The following WARS2 variants were observed in gnomAD, a reference collection of about 807,000 sequenced individuals.
The protein encoded by WARS2 is tryptophan--tRNA ligase, mitochondrial.
A neutral mutation model predicts 36.5 loss-of-function variants in WARS2; 28 were observed. The ratio of observed to expected loss-of-function variants is 0.77; its 90% confidence interval spans 0.57 to 1.05. The LOEUF is 1.05. Among genes scored for constraint, WARS2 ranks in the 50% least tolerant of loss-of-function variants. The pLI is 0.00. For synonymous variants in WARS2, 174 were observed against 178.4 expected (o/e 0.98, Z 0.20); for missense variants, 435 against 456.8 (o/e 0.95, Z 0.44).
chr1:119,140,651 A>G lies in WARS2; in HGVS notation c.-7T>C. The G allele has an allele frequency of 6.2e-7, 1 of 1,611,050 alleles. No homozygotes were observed. On this transcript the variant is annotated 5_prime_UTR_variant, in exon 1 of 6. Transcript: ENST00000235521. The stretch of plus-strand genomic sequence containing the variant: ...GCATTGAGTGCAGCGCCATCTTGAG[A>G]AGGGCGGAGCCGTCTTGTTTGGAAT...
intron 1 of WARS2, among the ~76,000 whole-genome samples, chr1:119,117,226 A>G (rs6677940): frequency 0.72 from 109,813 of 151,954 alleles, 40,092 homozygotes; most frequent in East Asian, 0.88. Context: ...AACATAACTC[A>G]ATGGGCCTGA....
intron 1 of WARS2, among the ~76,000 whole-genome samples, chr1:119,101,796 C>A (rs1653885596): frequency 6.6e-6 from 1 of 152,068 alleles, no homozygotes; most frequent in Admixed American, 6.6e-5. Flanking sequence ...CCTTAAGGGC[C>A]ACTGAAACCA....
chr1:119,050,431 A>G (rs1649245263), intron 2 of WARS2, among the ~76,000 whole-genome samples: 1 of 152,108 alleles, frequency 6.6e-6, no homozygotes, highest in Non-Finnish European at 1.5e-5. Flanking sequence ...ATTATTTTAT[A>G]TTACTCTAAT....
intron 1 of WARS2, among the ~76,000 whole-genome samples, chr1:119,120,761 A>T (rs1400733106): frequency 1.3e-5 from 2 of 152,108 alleles, no homozygotes; most frequent in Admixed American, 6.5e-5. Context: ...AAACGTAATG[A>T]TATACCACAC....
At chr1:119,082,121 A>C (rs979912676) in intron 1 of WARS2, among the ~76,000 whole-genome samples, 4 of 152,328 alleles carry the variant, frequency 2.6e-5, no homozygotes, top group African/African-American at 9.6e-5. Context: ...ACTGAAGGAA[A>C]AATATTTTTA....
chr1:119,079,909 GATGAAATCCCCA>G (rs1322416818), intron 1 of WARS2, among the ~76,000 whole-genome samples: 1 of 152,140 alleles, frequency 6.6e-6, no homozygotes, highest in African/African-American at 2.4e-5. Flanking sequence ...GCTTTCAAGT[GATGAAATCCCCA>G]AATCATAATC....
intron 2 of WARS2, among the ~76,000 whole-genome samples, chr1:119,073,316 G>C (rs1353594593): frequency 2.6e-5 from 4 of 152,094 alleles, no homozygotes; most frequent in Admixed American, 2.6e-4. Context: ...AAGAAAGCCT[G>C]ATAAAATATC....
intron 1 of WARS2, among the ~76,000 whole-genome samples, chr1:119,126,180 C>A (rs982885545): frequency 5.9e-5 from 9 of 151,626 alleles, no homozygotes; most frequent in Non-Finnish European, 1.3e-4. Flanking sequence ...GCCATAGTGT[C>A]CCAATAGCCA....
intron 1 of WARS2, among the ~76,000 whole-genome samples, chr1:119,127,988 T>C (rs1191963438): frequency 6.6e-6 from 1 of 152,222 alleles, no homozygotes; most frequent in Non-Finnish European, 1.5e-5. Flanking sequence ...TCATTGTAAC[T>C]AACCTTCTGC....
intron 2 of WARS2, among the ~76,000 whole-genome samples, chr1:119,058,736 C>T (rs1424633845): frequency 7.9e-6 from 1 of 125,920 alleles, no homozygotes; most frequent in Non-Finnish European, 1.6e-5. Flanking sequence ...GGTTCCAAGT[C>T]TTTGCTATTG....
chr1:119,109,281 A>G (rs979803844), intron 1 of WARS2, among the ~76,000 whole-genome samples: 3 of 151,926 alleles, frequency 2.0e-5, no homozygotes, highest in Admixed American at 2.0e-4. Context: ...TCTGCCTGCT[A>G]GATCTCTCCA....
chr1:119,118,357 A>G (rs1192808312), intron 1 of WARS2, among the ~76,000 whole-genome samples: 1 of 152,062 alleles, frequency 6.6e-6, no homozygotes, highest in East Asian at 1.9e-4. Flanking sequence ...AAAACTTTTG[A>G]ATTAACCCAA....
At chr1:119,067,158 G>A (rs1271262364) in intron 2 of WARS2, among the ~76,000 whole-genome samples, 1 of 152,130 alleles carries the variant, frequency 6.6e-6, no homozygotes, top group African/African-American at 2.4e-5. Context: ...AATATGGGCA[G>A]CATGATGCCA....
At chr1:119,120,605 A>T (rs939502841) in intron 1 of WARS2, among the ~76,000 whole-genome samples, 3 of 152,088 alleles carry the variant, frequency 2.0e-5, no homozygotes, top group Non-Finnish European at 4.4e-5. Context: ...AAAAAAGAAA[A>T]CTACAGACCA....
chr1:119,049,004 A>G (rs1321744046), intron 2 of WARS2, among the ~76,000 whole-genome samples: 1 of 152,216 alleles, frequency 6.6e-6, no homozygotes, highest in African/African-American at 2.4e-5. Flanking sequence ...CAAAGGCTGC[A>G]GTGAGCTGAG....
Position 119,140,626 on chromosome 1 carries a change from G to C in WARS2, c.19C>G (p.Arg7Gly). Residue 7 changes from arginine to glycine, a missense_variant, in exon 1 of 6, where the codon CGG (arginine) becomes GGG (glycine). Arg to Gly is a moderately radical substitution (Grantham distance 125). Transcript: ENST00000235521. Reference protein sequence around the residue: MALHSMRKARERWSFIR... With the variant: MALHSMGKARERWSFIR... ...AAGCTCCAGCGCTCACGCGCTTTCC[G>C]CATTGAGTGCAGCGCCATCTTGAGA... The C allele has an allele frequency of 6.2e-7, 1 of 1,613,644 alleles. No individual in the cohort carries two copies. The highest frequency in any genetic ancestry group is 2.2e-5 in the East Asian group (1 of 44,848).
At chr1:119,040,711 C>T (rs1278686459) in intron 4 of WARS2, among the ~76,000 whole-genome samples, 2 of 152,208 alleles carry the variant, frequency 1.3e-5, no homozygotes, top group African/African-American at 2.4e-5. Flanking sequence ...AGTAACAGCT[C>T]CTAGTCACAG....
intron 1 of WARS2, among the ~76,000 whole-genome samples, chr1:119,112,017 G>T (rs1654670348): frequency 6.6e-6 from 1 of 151,950 alleles, no homozygotes; most frequent in African/African-American, 2.4e-5. Flanking sequence ...CCACCTTCTG[G>T]GTTCAAGCGA....
chr1:119,045,692 G>T (rs1648741716), intron 2 of WARS2, 30 bp from the exon 3 acceptor site: 13 of 1,538,320 alleles, frequency 8.5e-6, no homozygotes, highest in Non-Finnish European at 1.2e-5. Flanking sequence ...CATTAGTAAA[G>T]GTGGCCAGTG....
Sources: allele counts gnomAD v4.1 joint callset (sites outside exome capture counted in the v4.1 genomes callset), GRCh38; gene constraint gnomAD v4.1.1; transcripts MANE v1.5; gene names NCBI Gene and HGNC (gene_info 2026-07-23, HGNC 2026-07-21).